MDGA2: variants seen among roughly 807,000 people sequenced by gnomAD.
MDGA2 encodes MAM domain-containing glycosylphosphatidylinositol anchor protein 2.
A neutral mutation model predicts 117.8 loss-of-function variants in MDGA2; 40 were observed. The observed-to-expected ratio is 0.34, with a 90% CI of 0.26 to 0.44. The LOEUF is 0.44. MDGA2 is among the 20% of genes least tolerant of loss of function. The probability of loss-of-function intolerance (pLI) is 1.00; values close to 1 mark genes in which losing one functional copy is unlikely to be tolerated. For synonymous variants in MDGA2, 452 were observed against 439.0 expected, an observed-to-expected ratio of 1.03 and a Z score of -0.37; for missense variants, 1,123 against 1,250.6, an observed-to-expected ratio of 0.90 and a Z score of 1.54.
intron 16 of MDGA2, among the ~76,000 whole-genome samples, chr14:46,843,777 T>C (rs1421580414): frequency 6.6e-6 from 1 of 152,156 alleles, no homozygotes; most frequent in African/African-American, 2.4e-5. Context: ...TCACTAAATA[T>C]AGAAAATTAC....
chr14:47,396,067 C>A (rs1202644369), intron 1 of MDGA2, among the ~76,000 whole-genome samples: 5 of 152,256 alleles, frequency 3.3e-5, no homozygotes, highest in African/African-American at 9.6e-5. Context: ...GTAGACTGTG[C>A]ACTAATAGTC....
chr14:47,660,099 C>G (rs1417172427), intron 1 of MDGA2, among the ~76,000 whole-genome samples: 1 of 151,786 alleles, frequency 6.6e-6, no homozygotes, highest in Non-Finnish European at 1.5e-5. Flanking sequence ...AGTTATACTA[C>G]AGAATTAATG....
Position 47,320,204 on chromosome 14 carries a change from T to C in MDGA2, c.281-18654A>G, listed in dbSNP as rs12590996. On this transcript the variant is annotated intron_variant, in intron 1 of 16. Coordinates refer to ENST00000399232, the MANE Select transcript of MDGA2 (RefSeq NM_001113498.3). ...TTGCAGTACTTTGTTGCAGCTGCCC[T>C]AGCAAACAAATACACTATTAAACAA... 7.0e-3 allele frequency among the ~76,000 whole-genome samples: 1,070 copies of C among 152,222 alleles called. 59 individuals carry two copies. In the East Asian group the frequency reaches 0.14, roughly 20 times the overall value.
intron 1 of MDGA2, among the ~76,000 whole-genome samples, chr14:47,522,012 G>A (rs985944678): frequency 6.6e-6 from 1 of 151,876 alleles, no homozygotes; most frequent in African/African-American, 2.4e-5. Flanking sequence ...AAAACAAAAC[G>A]AAACAAAAAA....
At chr14:47,050,028 T>A (rs375826625) in intron 7 of MDGA2, among the ~76,000 whole-genome samples, 2 of 152,160 alleles carry the variant, frequency 1.3e-5, no homozygotes, top group East Asian at 1.9e-4. Flanking sequence ...GCAGATACAA[T>A]GTGATTTGAG....
chr14:47,360,605 C>T (rs1221272812), intron 1 of MDGA2, among the ~76,000 whole-genome samples: 1 of 151,846 alleles, frequency 6.6e-6, no homozygotes, highest in African/African-American at 2.4e-5. Flanking sequence ...GAAAAGGAAA[C>T]CTTTGTATAC....
intron 12 of MDGA2, 120 bp from the exon 13 acceptor site, chr14:46,874,320 T>G (rs1595012341): frequency 2.3e-6 from 1 of 443,786 alleles, no homozygotes; most frequent in East Asian, 3.8e-5. Flanking sequence ...GACAATGGCA[T>G]GAGAGCCATA....
At chr14:47,178,684 C>G (rs1187465968) in intron 3 of MDGA2, among the ~76,000 whole-genome samples, 1 of 152,120 alleles carries the variant, frequency 6.6e-6, no homozygotes, top group African/African-American at 2.4e-5. Flanking sequence ...TATAAGCCAT[C>G]ATCATCTTGT....
At chr14:47,510,349 T>A (rs559279629) in intron 1 of MDGA2, among the ~76,000 whole-genome samples, 1 of 152,204 alleles carries the variant, frequency 6.6e-6, no homozygotes, top group Non-Finnish European at 1.5e-5. Context: ...TATAGAACTT[T>A]ATTATAGAAA....
intron 8 of MDGA2, among the ~76,000 whole-genome samples, chr14:46,968,190 C>A (rs1297382381): frequency 6.6e-6 from 1 of 152,144 alleles, no homozygotes; most frequent in Admixed American, 6.5e-5. Context: ...GAAGACAAAT[C>A]TCCCTGATGC....
intron 3 of MDGA2, among the ~76,000 whole-genome samples, chr14:47,157,748 G>A (rs1480115315): frequency 6.6e-6 from 1 of 151,860 alleles, no homozygotes; most frequent in Non-Finnish European, 1.5e-5. Context: ...GAATCATAGG[G>A]ACAGTGTCCA....
chr14:47,072,385 C>A (rs1189433825), intron 6 of MDGA2, among the ~76,000 whole-genome samples: 1 of 152,096 alleles, frequency 6.6e-6, no homozygotes, highest in African/African-American at 2.4e-5. Context: ...TTCTTAGAGA[C>A]TTGTTGGATA....
At chr14:47,480,984 A>AT (rs2138634409) in intron 1 of MDGA2, among the ~76,000 whole-genome samples, 1 of 152,084 alleles carries the variant, frequency 6.6e-6, no homozygotes, top group Admixed American at 6.6e-5. Flanking sequence ...AGAAATGGAT[A>AT]AAGAAGGGGC....
At position 46,841,545 on chromosome 14, in the gene MDGA2, A is replaced by C. The variant is rs1436755306; in HGVS notation, c.*386T>G. Reference sequence around the variant, plus strand: ...CCATTAGGTTTCCATGGTAACAAGCAAACTATTCATTTGAAACAAAACCAG... The same window carrying C: ...CCATTAGGTTTCCATGGTAACAAGCCAACTATTCATTTGAAACAAAACCAG... On this transcript the variant is annotated 3_prime_UTR_variant, in exon 17 of 17. Coordinates refer to ENST00000399232, the MANE Select transcript of MDGA2 (RefSeq NM_001113498.3). 6.5e-6 allele frequency: 1 copy of C among 154,698 alleles called. No homozygotes were observed. Among genetic ancestry groups the C allele is most frequent in the East Asian group, 1.9e-4 (1 of 5,302 alleles). 9.6% of individuals were successfully genotyped at this position (154,698 alleles called of 1,614,324 possible).
chr14:47,054,255 A>G (rs1245563140), intron 7 of MDGA2, among the ~76,000 whole-genome samples: 1 of 151,982 alleles, frequency 6.6e-6, no homozygotes, highest in Non-Finnish European at 1.5e-5. Context: ...GTGGAGAGAT[A>G]AGAAATCTAA....
intron 3 of MDGA2, among the ~76,000 whole-genome samples, chr14:47,144,815 A>ATTTTTTTTTTTTTTTTTT (rs60842690): frequency 7.7e-6 from 1 of 130,456 alleles, no homozygotes; most frequent in Non-Finnish European, 1.6e-5. Flanking sequence ...TGCCCGGCTA[A>ATTTTTTTTTTTTTTTTTT]TTTTTTTTTT....
rs187960369 is a variant in MDGA2, at chr14:47,241,446, T to C, written c.421-23251A>G. On this transcript the variant is annotated intron_variant, in intron 2 of 16. Coordinates refer to ENST00000399232, the MANE Select transcript of MDGA2 (RefSeq NM_001113498.3). Reference sequence around the variant, plus strand: ...TTAAAATGTCAATTCCTTCACAGGATAGAAGAAATTTAAAAATTATTGTGT... The same window carrying C: ...TTAAAATGTCAATTCCTTCACAGGACAGAAGAAATTTAAAAATTATTGTGT... Among the ~76,000 whole-genome samples, 23 of 152,030 alleles carry C rather than the reference T, an allele frequency of 1.5e-4. No individual in the cohort carries two copies. In the East Asian group the frequency reaches 4.4e-3, roughly 29 times the overall value.
rs889143875 is a variant in MDGA2 at position 46,873,880 on chromosome 14, T to A, written c.2593+165A>T. ...TGTATCAGTGAAGTCTGAGAAAAAA[T>A]TAATGTCTACAAAGTTTTGTAAATA... On this transcript the variant is annotated intron_variant, in intron 13 of 16. Coordinates refer to ENST00000399232, the MANE Select transcript of MDGA2 (RefSeq NM_001113498.3). 8 of 640,240 alleles carry A rather than the reference T, an allele frequency of 1.2e-5. No individual in the cohort carries two copies. In the Admixed American group the frequency reaches 3.1e-4, roughly 25 times the overall value. The allele number at this position is 640,240 out of a possible 1,614,324, so 39.7% of individuals were successfully genotyped here.
At chr14:47,172,295 T>C (rs150266757) in intron 3 of MDGA2, among the ~76,000 whole-genome samples, 33 of 152,234 alleles carry the variant, frequency 2.2e-4, no homozygotes, top group Non-Finnish European at 4.9e-4. Flanking sequence ...AAGAGAGCAG[T>C]GGTTCTCCAA....
Sources: gnomAD v4.1 joint callset for allele counts (sites outside exome capture counted in the v4.1 genomes callset) on GRCh38, gnomAD v4.1.1 for gene constraint, MANE v1.5 for transcripts, NCBI Gene and HGNC (gene_info 2026-07-23, HGNC 2026-07-21) for gene names.